Variants in PAWR observed in about 807,000 individuals in gnomAD.
The protein encoded by PAWR is pro-apoptotic WT1 regulator, also known as PRKC apoptosis WT1 regulator protein.
Under a neutral mutation model 32.0 loss-of-function variants are expected in PAWR, and 23 were observed. The ratio of observed to expected loss-of-function variants is 0.72; its 90% CI spans 0.52 to 1.02. The LOEUF (loss-of-function observed/expected upper bound fraction) is 1.02, where lower values mean the gene tolerates loss of function less well. PAWR is among the 50% of genes least tolerant of loss of function. The probability of loss-of-function intolerance (pLI) is 0.00; values close to 1 mark genes in which losing one functional copy is unlikely to be tolerated. For missense variants in PAWR, 457 were observed against 437.7 expected (o/e 1.04, Z -0.39); for synonymous variants, 226 against 187.1 (o/e 1.21, Z -1.70).
chr12:79,616,056 C>CAAAAAAAAAAAAAAAAAAAAAAAAAAA (rs140963642), intron 3 of PAWR, among the ~76,000 whole-genome samples: 1 of 72,400 alleles, frequency 1.4e-5, no homozygotes, highest in Non-Finnish European at 3.5e-5. Flanking sequence ...GACCCTGTCT[C>CAAAAAAAAAAAAAAAAAAAAAAAAAAA]AAAAAAAAAA....
At chr12:79,596,393 A>T in intron 5 of PAWR, 118 bp downstream of exon 5, 1 of 584,028 alleles carries the variant, frequency 1.7e-6, no homozygotes, top group African/African-American at 1.9e-5. Flanking sequence ...AGTTGGCAGA[A>T]AAGCGCACAT....
rs1188081319 is a variant in PAWR at position 79,586,912 on chromosome 12, T to C, written c.*5695A>G. 1 of 152,106 alleles carries C rather than the reference T, an allele frequency of 6.6e-6. No individual in the cohort carries two copies. The highest frequency in any genetic ancestry group is 2.4e-5 in the African/African-American group (1 of 41,434). 9.4% of individuals were successfully genotyped at this position (152,106 alleles called of 1,614,324 possible). ...TCTTATAACCAGTCTCTCTCTTTAA[T>C]ATGAAGGCCCAACATTACATAATTC... On this transcript the variant is annotated 3_prime_UTR_variant, in exon 7 of 7. Coordinates refer to ENST00000328827, the MANE Select transcript of PAWR (RefSeq NM_002583.4).
intron 2 of PAWR, among the ~76,000 whole-genome samples, chr12:79,640,107 GT>G (rs1324747097): frequency 6.6e-6 from 1 of 152,024 alleles, no homozygotes; most frequent in Non-Finnish European, 1.5e-5. Flanking sequence ...GTTTCACCAT[GT>G]TAGCCAGGCT....
chr12:79,685,746 CT>C (rs1300299827), intron 2 of PAWR, among the ~76,000 whole-genome samples: 2 of 152,224 alleles, frequency 1.3e-5, no homozygotes, highest in East Asian at 1.9e-4. Flanking sequence ...AATTCCATAC[CT>C]TTACTGTTTT....
intron 6 of PAWR, among the ~76,000 whole-genome samples, chr12:79,593,360 G>A (rs1238928966): frequency 6.6e-6 from 1 of 151,978 alleles, no homozygotes; most frequent in East Asian, 1.9e-4. Context: ...TTAAGTATTC[G>A]CTCTCCAGCT....
chr12:79,599,709 C>T (rs1199762656), intron 4 of PAWR, among the ~76,000 whole-genome samples: 1 of 152,232 alleles, frequency 6.6e-6, no homozygotes, highest in African/African-American at 2.4e-5. Flanking sequence ...CTTCGTATCA[C>T]TGTCCTGTCC....
At chr12:79,601,717 T>C (rs2136680774) in intron 4 of PAWR, among the ~76,000 whole-genome samples, 1 of 152,278 alleles carries the variant, frequency 6.6e-6, no homozygotes, top group African/African-American at 2.4e-5. Context: ...TTCTCACAAA[T>C]ATTTTAAATA....
chr12:79,658,724 C>T (rs1877207466), intron 2 of PAWR, among the ~76,000 whole-genome samples: 1 of 152,100 alleles, frequency 6.6e-6, no homozygotes, highest in African/African-American at 2.4e-5. Context: ...AGTGCAGTGG[C>T]ATGATCTCAG....
At chr12:79,689,638 ACT>A in intron 2 of PAWR, 89 bp downstream of exon 2, 5 of 1,422,112 alleles carry the variant, frequency 3.5e-6, no homozygotes, top group Non-Finnish European at 3.7e-6. Context: ...GGGGAGGTAA[ACT>A]CTGCGCCCCG....
chr12:79,664,231 A>C (rs1042860493), intron 2 of PAWR, among the ~76,000 whole-genome samples: 6 of 152,184 alleles, frequency 3.9e-5, no homozygotes, highest in African/African-American at 9.7e-5. Context: ...CTAGACCCCA[A>C]CTTTTTTTTA....
intron 2 of PAWR, among the ~76,000 whole-genome samples, chr12:79,686,810 CAATA>C (rs1368477911): frequency 6.6e-6 from 1 of 152,156 alleles, no homozygotes; most frequent in Non-Finnish European, 1.5e-5. Context: ...ACACTATTTC[CAATA>C]AATAGTTACA....
intron 2 of PAWR, among the ~76,000 whole-genome samples, chr12:79,673,194 C>G (rs939689271): frequency 6.6e-6 from 1 of 151,956 alleles, no homozygotes; most frequent in Non-Finnish European, 1.5e-5. Flanking sequence ...CTCAGCCTCC[C>G]GAGTAGCTGG....
At chr12:79,631,063 T>C (rs959248162) in intron 2 of PAWR, among the ~76,000 whole-genome samples, 1 of 151,914 alleles carries the variant, frequency 6.6e-6, no homozygotes, top group Non-Finnish European at 1.5e-5. Flanking sequence ...AGGAGAAAAA[T>C]ATATAATCAC....
At chr12:79,651,591 AAAG>A (rs1279474740) in intron 2 of PAWR, among the ~76,000 whole-genome samples, 1 of 152,040 alleles carries the variant, frequency 6.6e-6, no homozygotes, top group Non-Finnish European at 1.5e-5. Flanking sequence ...AAGAAAAATC[AAAG>A]AAGATGAGCC....
chr12:79,610,163 T>C (rs570146384), intron 4 of PAWR, among the ~76,000 whole-genome samples: 2 of 152,318 alleles, frequency 1.3e-5, no homozygotes, highest in African/African-American at 4.8e-5. Flanking sequence ...ACTTTTCTGC[T>C]TCAGAAGCAA....
chr12:79,667,421 C>T (rs1328689492), intron 2 of PAWR, among the ~76,000 whole-genome samples: 1 of 152,168 alleles, frequency 6.6e-6, no homozygotes, highest in East Asian at 1.9e-4. Context: ...AAATAGTTTA[C>T]AAGATTACAT....
chr12:79,623,627 T>G (rs968650456), intron 2 of PAWR, among the ~76,000 whole-genome samples: 3 of 135,312 alleles, frequency 2.2e-5, no homozygotes, highest in African/African-American at 1.2e-4. Context: ...TGAAAAAAGC[T>G]ATAAGACTTT....
At position 79,653,252 on chromosome 12, in the gene PAWR, T is replaced by G. The variant is rs183698437; in HGVS notation, c.517-32045A>C. ...GGTTTCACCATGTTGGCCAGGCTGG[T>G]CTTGAACTCCTGACCCCAGGTGATC... is the stretch of plus-strand genomic sequence containing the variant. On this transcript the variant is annotated intron_variant, in intron 2 of 6. Coordinates refer to ENST00000328827, the MANE Select transcript of PAWR (RefSeq NM_002583.4). Among the ~76,000 whole-genome samples the G allele has an allele frequency of 4.0e-3, 611 of 152,236 alleles. 4 individuals are homozygous for G. Among genetic ancestry groups the G allele is most frequent in the African/African-American group, 0.014 (588 of 41,522 alleles).
At chr12:79,612,870 A>G (rs190349428) in intron 4 of PAWR, among the ~76,000 whole-genome samples, 2 of 152,290 alleles carry the variant, frequency 1.3e-5, no homozygotes, top group African/African-American at 4.8e-5. Flanking sequence ...ATACATACAC[A>G]AACACATTCT....
Sources: gnomAD v4.1 joint callset for allele counts (sites outside exome capture counted in the v4.1 genomes callset) on GRCh38, gnomAD v4.1.1 for gene constraint, MANE v1.5 for transcripts, NCBI Gene and HGNC (gene_info 2026-07-23, HGNC 2026-07-21) for gene names.